The following ADAMTSL1 variants were observed in gnomAD, a reference collection of about 807,000 sequenced individuals.
ADAMTSL1 encodes ADAMTS like 1.
ADAMTSL1 carries 126 observed loss-of-function variants against 201.8 expected under a neutral mutation model. That is an observed-to-expected ratio of 0.62 (90% CI 0.54 to 0.72). The LOEUF is 0.72. Among genes scored for constraint, ADAMTSL1 ranks in the 30% least tolerant of loss-of-function variants. ADAMTSL1 has a pLI of 0.00. For synonymous variants in ADAMTSL1, 1,121 were observed against 903.4 expected (o/e 1.24, Z -4.32); for missense variants, 2,679 against 2,277.8 (o/e 1.18, Z -3.59).
chr9:17,957,083 G>T (rs772066621), intron 1 of ADAMTSL1, among the ~76,000 whole-genome samples: 16 of 152,034 alleles, frequency 1.1e-4, no homozygotes, highest in African/African-American at 3.1e-4. Context: ...AATTAGAAAC[G>T]CTCCGGTATT....
chr9:18,275,005 C>G (rs1285439877), intron 2 of ADAMTSL1, among the ~76,000 whole-genome samples: 1 of 152,028 alleles, frequency 6.6e-6, no homozygotes, highest in Admixed American at 6.6e-5. Context: ...TCCATGAAAC[C>G]TCATCTGGTT....
intron 2 of ADAMTSL1, among the ~76,000 whole-genome samples, chr9:18,261,306 A>G (rs556499019): frequency 6.6e-6 from 1 of 152,262 alleles, no homozygotes; most frequent in East Asian, 1.9e-4. Flanking sequence ...GGCCCTTAGA[A>G]TATCACAGGG....
At chr9:18,013,044 T>G (rs1478815493) in intron 1 of ADAMTSL1, among the ~76,000 whole-genome samples, 3 of 151,856 alleles carry the variant, frequency 2.0e-5, no homozygotes, top group South Asian at 2.1e-4. Context: ...TTTTCTTATC[T>G]CCATTACCCT....
chr9:18,772,169 G>C (rs935816927), intron 17 of ADAMTSL1, among the ~76,000 whole-genome samples: 1 of 152,214 alleles, frequency 6.6e-6, no homozygotes, highest in Admixed American at 6.5e-5. Context: ...AAGAACAGAG[G>C]TAGGTGTATT....
intron 1 of ADAMTSL1, among the ~76,000 whole-genome samples, chr9:17,968,274 T>C (rs918530003): frequency 2.0e-5 from 3 of 152,088 alleles, no homozygotes; most frequent in Non-Finnish European, 4.4e-5. Context: ...GTTCCCACCC[T>C]TCTTCAGGTA....
chr9:18,234,178 T>A (rs1470075941), intron 2 of ADAMTSL1, among the ~76,000 whole-genome samples: 1 of 152,218 alleles, frequency 6.6e-6, no homozygotes, highest in Non-Finnish European at 1.5e-5. Context: ...CATTTCTGCA[T>A]GAGCAGCTGG....
chr9:18,212,865 G>A (rs930153075), intron 2 of ADAMTSL1, among the ~76,000 whole-genome samples: 1 of 152,022 alleles, frequency 6.6e-6, no homozygotes, highest in Non-Finnish European at 1.5e-5. Context: ...TCCCCACAAT[G>A]GTCATAAGAT....
At chr9:18,010,362 C>T (rs1047445810) in intron 1 of ADAMTSL1, among the ~76,000 whole-genome samples, 2 of 151,986 alleles carry the variant, frequency 1.3e-5, no homozygotes, top group Non-Finnish European at 2.9e-5. Flanking sequence ...GCTTTCAAAT[C>T]TGGAGAGATT....
chr9:18,777,045 C>T lies in ADAMTSL1; in HGVS notation c.2816C>T (p.Pro939Leu). The change falls in exon 19 of 29, where the codon CCC (proline) becomes CTC (leucine). Residue 939 changes from proline (P) to leucine (L), a missense_variant. Transcript: ENST00000380548. ...TATCTCAAGATCCACCGCCTCAAGC[C>T]CTCGGATGCAGGCGTCTACACCTGC... ...FGYLKIHRLKPSDAGVYTCSA... is the reference protein window; with the variant it reads ...FGYLKIHRLKLSDAGVYTCSA... 6.2e-7 allele frequency: 1 copy of T among 1,612,184 alleles called. No homozygotes were observed. The highest frequency in any genetic ancestry group is 8.5e-7 in the Non-Finnish European group (1 of 1,178,858).
At chr9:18,023,260 C>T (rs967148114) in intron 1 of ADAMTSL1, among the ~76,000 whole-genome samples, 1 of 152,042 alleles carries the variant, frequency 6.6e-6, no homozygotes, top group Non-Finnish European at 1.5e-5. Context: ...GGGTCCCTCT[C>T]CCAAAGTATC....
intron 5 of ADAMTSL1, among the ~76,000 whole-genome samples, chr9:18,631,672 C>T (rs1270848653): frequency 6.6e-6 from 1 of 152,142 alleles, no homozygotes; most frequent in Non-Finnish European, 1.5e-5. Flanking sequence ...TCACGCAGAA[C>T]ATCCACATAT....
chr9:18,753,507 CG>C lies in ADAMTSL1; in HGVS notation c.2217+1del. On this transcript the variant is annotated frameshift_variant and splice_region_variant, in exon 16 of 29. Coordinates refer to ENST00000380548, the MANE Select transcript of ADAMTSL1 (RefSeq NM_001040272.6). LOFTEE classifies it high-confidence loss of function. ...GCCTGGTACCCTGCACAGTGGCAGC[CG>C]GTGAGTTCTGAAGTTACTCAATATT... ...PPAWYPAQWQPCSRTCGGGVQ... is the reference protein window; with the variant it reads ...PPAWYPAQWQXCSRTCGGGVQ... 1 of 1,609,520 alleles carries C rather than the reference CG, an allele frequency of 6.2e-7. No individual in the cohort carries two copies. The highest frequency in any genetic ancestry group is 1.3e-5 in the African/African-American group (1 of 74,932).
intron 1 of ADAMTSL1, among the ~76,000 whole-genome samples, chr9:18,000,737 C>G (rs1819578007): frequency 6.6e-6 from 1 of 152,062 alleles, no homozygotes; most frequent in African/African-American, 2.4e-5. Context: ...TACTGGAAGG[C>G]TATGAGATTA....
In ADAMTSL1 at chr9:18,264,250, C is replaced by T. The variant is rs1337068186; in HGVS notation, c.207+100269C>T. ...ATACCTTCAAATATAGTTTCTTTTT[C>T]TTGATTCTGGCTATCTCATCTATAT... On this transcript the variant is annotated intron_variant, in intron 2 of 29. Transcript: ENST00000680146. Among the ~76,000 whole-genome samples the T allele has an allele frequency of 2.0e-5, 3 of 152,146 alleles. No homozygotes were observed. The East Asian group carries it at 5.8e-4, about 29-fold the overall frequency.
chr9:18,416,212 C>G lies in ADAMTSL1; in HGVS notation c.208-88617C>G. Among the ~76,000 whole-genome samples the G allele has an allele frequency of 1.3e-5, 2 of 152,038 alleles. 1 individual carries two copies. Among genetic ancestry groups the G allele is most frequent in the South Asian group, 4.2e-4 (2 of 4,816 alleles). On this transcript the variant is annotated intron_variant, in intron 2 of 29. Transcript: ENST00000680146. ...ATAATCGACATTTAAACAAAACTAGCGTAGTATGGAAGTTATAACGTAGGT... is the reference window on the plus strand; with the variant it reads ...ATAATCGACATTTAAACAAAACTAGGGTAGTATGGAAGTTATAACGTAGGT...
At chr9:18,689,017 T>C (rs899767042) in intron 13 of ADAMTSL1, among the ~76,000 whole-genome samples, 1 of 152,042 alleles carries the variant, frequency 6.6e-6, no homozygotes, top group African/African-American at 2.4e-5. Context: ...GGATACATCA[T>C]TTAAATGCCA....
chr9:18,842,300 G>A (rs2131324698), intron 23 of ADAMTSL1, among the ~76,000 whole-genome samples: 1 of 152,244 alleles, frequency 6.6e-6, no homozygotes, highest in South Asian at 2.1e-4. Context: ...TATGTACCCA[G>A]TAGTCATTCA....
intron 1 of ADAMTSL1, among the ~76,000 whole-genome samples, chr9:18,128,378 T>G (rs1385928584): frequency 6.6e-6 from 1 of 152,182 alleles, no homozygotes; most frequent in East Asian, 1.9e-4. Flanking sequence ...TTTTTTTCCC[T>G]GGAGACAGGG....
chr9:18,269,671 T>A (rs543945960), intron 2 of ADAMTSL1, among the ~76,000 whole-genome samples: 56 of 152,242 alleles, frequency 3.7e-4, no homozygotes, highest in African/African-American at 1.2e-3. Flanking sequence ...CTTGAAAATG[T>A]GGTGAACCAT....
Sources: gnomAD v4.1 joint callset for allele counts (sites outside exome capture counted in the v4.1 genomes callset) on GRCh38, gnomAD v4.1.1 for gene constraint, MANE v1.5 for transcripts, NCBI Gene and HGNC (gene_info 2026-07-23, HGNC 2026-07-21) for gene names.